TTC39B: variants seen among roughly 807,000 people sequenced by gnomAD.
TTC39B encodes tetratricopeptide repeat domain 39B.
Under a neutral mutation model 96.6 loss-of-function variants are expected in TTC39B, and 92 were observed. The ratio of observed to expected loss-of-function variants is 0.95; its 90% CI spans 0.80 to 1.13. The LOEUF (loss-of-function observed/expected upper bound fraction) is 1.13. TTC39B is among the 50% of genes most tolerant of loss of function. TTC39B has a pLI of 0.00. For missense variants in TTC39B, 955 were observed against 809.3 expected, an observed-to-expected ratio of 1.18 and a Z score of -2.18; for synonymous variants, 367 against 299.4, an observed-to-expected ratio of 1.23 and a Z score of -2.33.
chr9:15,233,000 G>C (rs1030240111), intron 2 of TTC39B, among the ~76,000 whole-genome samples: 1 of 152,206 alleles, frequency 6.6e-6, no homozygotes, highest in African/African-American at 2.4e-5. Context: ...TACACAGAGA[G>C]GATAGGAGAC....
intron 2 of TTC39B, chr9:15,250,063 T>C: frequency 7.8e-7 from 1 of 1,283,520 alleles, no homozygotes; most frequent in South Asian, 1.3e-5. Flanking sequence ...CCTCAATTTC[T>C]ATTTTATTCC....
chr9:15,165,045 T>C (rs1243169840), exon 20 of TTC39B: 1 of 151,932 alleles, frequency 6.6e-6, no homozygotes, highest in East Asian at 1.9e-4. Context: ...GGGGAAAAAA[T>C]GTGAATAAAA....
intron 2 of TTC39B, chr9:15,249,018 A>G (rs1159182212): frequency 6.6e-6 from 1 of 152,234 alleles, no homozygotes; most frequent in East Asian, 1.9e-4. Flanking sequence ...AAGGAACAAA[A>G]TCAGTAGCCA....
chr9:15,188,109 G>C, exon 14 of TTC39B: 1 of 1,603,352 alleles, frequency 6.2e-7, no homozygotes, highest in Non-Finnish European at 8.5e-7. Context: ...GAACTGAAAT[G>C]CATTTTTGAA....
intron 3 of TTC39B, among the ~76,000 whole-genome samples, chr9:15,219,917 T>G (rs925892353): frequency 5.9e-5 from 9 of 152,180 alleles, no homozygotes; most frequent in African/African-American, 2.2e-4. Context: ...TTCAGAGCTA[T>G]GTCAAAAAGA....
At chr9:15,284,801 C>T (rs1224096852) in intron 1 of TTC39B, among the ~76,000 whole-genome samples, 1 of 151,990 alleles carries the variant, frequency 6.6e-6, no homozygotes, top group African/African-American at 2.4e-5. Flanking sequence ...AAATCTTTTA[C>T]AGTGAGAATA....
intron 2 of TTC39B, among the ~76,000 whole-genome samples, 157 bp downstream of exon 2, chr9:15,267,751 TTAAATA>T (rs1445721238): frequency 3.3e-5 from 5 of 152,202 alleles, no homozygotes; most frequent in Non-Finnish European, 7.3e-5. Context: ...AGATCCTTTC[TTAAATA>T]TAATCACATC....
intron 8 of TTC39B, among the ~76,000 whole-genome samples, chr9:15,196,206 G>A (rs1819158753): frequency 6.6e-6 from 1 of 152,206 alleles, no homozygotes; most frequent in African/African-American, 2.4e-5. Context: ...GGATTATATT[G>A]TTTTCATGCC....
At chr9:15,245,157 T>C (rs1356756107) in intron 2 of TTC39B, among the ~76,000 whole-genome samples, 1 of 152,234 alleles carries the variant, frequency 6.6e-6, no homozygotes, top group Non-Finnish European at 1.5e-5. Flanking sequence ...ACATTCTTCC[T>C]GATGCAATTA....
At chr9:15,211,947 G>A (rs575087524) in intron 4 of TTC39B, among the ~76,000 whole-genome samples, 1 of 152,294 alleles carries the variant, frequency 6.6e-6, no homozygotes, top group East Asian at 1.9e-4. Flanking sequence ...TGAAGTTCCT[G>A]ATTAAAGTTC....
intron 1 of TTC39B, among the ~76,000 whole-genome samples, chr9:15,269,886 C>T (rs931109741): frequency 1.3e-5 from 2 of 150,680 alleles, no homozygotes; most frequent in Non-Finnish European, 3.0e-5. Context: ...AAAGAAGAAC[C>T]GACTGGACCT....
intron 16 of TTC39B, among the ~76,000 whole-genome samples, chr9:15,184,576 A>G (rs543606510): frequency 4.1e-4 from 62 of 152,346 alleles, no homozygotes; most frequent in African/African-American, 1.5e-3. Context: ...AGAACACTTC[A>G]TTAAGAAAAT....
chr9:15,177,941 C>A (rs1365132055), intron 17 of TTC39B, 127 bp from the exon 18 acceptor site: 14 of 514,812 alleles, frequency 2.7e-5, no homozygotes, highest in Non-Finnish European at 4.0e-5. Flanking sequence ...GCAATCTCGG[C>A]TCACTGCAAG....
intron 3 of TTC39B, among the ~76,000 whole-genome samples, chr9:15,220,137 T>C (rs2131382739): frequency 6.6e-6 from 1 of 152,306 alleles, no homozygotes; most frequent in Admixed American, 6.5e-5. Flanking sequence ...CTTCAGAGAC[T>C]TTTACTAATT....
Position 15,225,909 on chromosome 9 carries a change from T to C in TTC39B, c.371+8A>G, listed in dbSNP as rs746298334. ...CTTCCCCCAGGAATGCCCACAACCCTTCCTGACCTGCTGACAGTAGACGCT... is the reference window on the plus strand; with the variant it reads ...CTTCCCCCAGGAATGCCCACAACCCCTCCTGACCTGCTGACAGTAGACGCT... On this transcript the variant is annotated splice_region_variant and intron_variant, in intron 3 of 19. Coordinates refer to ENST00000512701, the Ensembl canonical transcript of TTC39B. The C allele has an allele frequency of 1.4e-5, 23 of 1,613,030 alleles. No homozygotes were observed. The Middle Eastern group carries it at 1.3e-3, about 93-fold the overall frequency.
intron 9 of TTC39B, among the ~76,000 whole-genome samples, chr9:15,191,922 A>C (rs1053183123): frequency 7.2e-5 from 11 of 152,180 alleles, no homozygotes; most frequent in Non-Finnish European, 1.5e-4. Context: ...AGAAAATGTA[A>C]AGATATTTGT....
At chr9:15,242,576 C>T (rs1409023866) in intron 2 of TTC39B, among the ~76,000 whole-genome samples, 1 of 151,908 alleles carries the variant, frequency 6.6e-6, no homozygotes, top group Admixed American at 6.6e-5. Flanking sequence ...GAGCAAGACC[C>T]TATCTCAAAA....
intron 1 of TTC39B, among the ~76,000 whole-genome samples, chr9:15,282,706 C>T (rs1404033473): frequency 6.6e-6 from 1 of 152,128 alleles, no homozygotes; most frequent in Non-Finnish European, 1.5e-5. Flanking sequence ...TAAAAACCCT[C>T]GGTAGTGGCT....
At chr9:15,279,670 A>T (rs1193340380) in intron 1 of TTC39B, among the ~76,000 whole-genome samples, 1 of 152,112 alleles carries the variant, frequency 6.6e-6, no homozygotes, top group Non-Finnish European at 1.5e-5. Context: ...TCCTAAAGGT[A>T]CTCGTGAGTG....
Sources: gnomAD v4.1 joint callset for allele counts (sites outside exome capture counted in the v4.1 genomes callset) on GRCh38, gnomAD v4.1.1 for gene constraint, MANE v1.5 for transcripts, NCBI Gene and HGNC (gene_info 2026-07-23, HGNC 2026-07-21) for gene names.